The following KIAA0319 variants were observed in gnomAD, a reference collection of about 807,000 sequenced individuals.
The protein encoded by KIAA0319 is dyslexia-associated protein KIAA0319.
In KIAA0319, 83 loss-of-function variants were observed where a neutral mutation model predicts 108.4. That is an observed-to-expected ratio of 0.77 (90% CI 0.64 to 0.92). KIAA0319 has a LOEUF of 0.92. KIAA0319 is among the 40% of genes least tolerant of loss of function. The pLI is 0.00. For synonymous variants in KIAA0319, 484 were observed against 510.4 expected (o/e 0.95, Z 0.70); for missense variants, 1,195 against 1,322.4 (o/e 0.90, Z 1.49).
At chr6:24,579,990 G>C (rs1198648470) in intron 7 of KIAA0319, 40 bp from the exon 8 acceptor site, 1 of 1,407,812 alleles carries the variant, frequency 7.1e-7, no homozygotes, top group South Asian at 1.2e-5. Flanking sequence ...CCCATCTTGT[G>C]TAGGCATATG....
Position 24,564,255 on chromosome 6 carries a change from G to A in KIAA0319, c.2378C>T (p.Thr793Ile). ...EGVYTFHLRV[T>I]DSQGASDTDT... ...TGTGTCCGAGGCCCCCTGACTGTCG[G>A]TGACTCGCAAGTGGAAAGTGTACAC... is the stretch of plus-strand genomic sequence containing the variant. The change falls in exon 15 of 21, where the codon ACC becomes ATC. Residue 793 changes from threonine to isoleucine, a missense_variant. By Grantham distance (89) the Thr-to-Ile change is moderately conservative. Transcript: ENST00000378214. 6.2e-7 allele frequency: 1 copy of A among 1,614,124 alleles called. No homozygotes were observed. Among genetic ancestry groups the A allele is most frequent in the South Asian group, 1.1e-5 (1 of 91,070 alleles).
chr6:24,547,298 G>C lies in KIAA0319; in HGVS notation c.3086C>G (p.Ser1029Cys). ...CTGGTCACTGTCAAACTCAGACTCG[G>C]ATACCATCAGGCTGGAGTTGTGCTC... The part of the protein sequence containing the change: ...STEHNSSLMV[S>C]ESEFDSDQDT... The change falls in exon 21 of 21, where the codon TCC becomes TGC. Residue 1029 changes from serine (S) to cysteine (C), a missense_variant. Transcript: ENST00000378214. 6.2e-7 allele frequency: 1 copy of C among 1,614,164 alleles called. No individual in the cohort carries two copies. The highest frequency in any genetic ancestry group is 1.1e-5 in the South Asian group (1 of 91,084).
chr6:24,565,898 G>A (rs533006596), intron 14 of KIAA0319, among the ~76,000 whole-genome samples: 1 of 152,266 alleles, frequency 6.6e-6, no homozygotes, highest in Non-Finnish European at 1.5e-5. Context: ...ACAATATGAG[G>A]AACAGAAAAG....
At position 24,564,191 on chromosome 6, in the gene KIAA0319, C is replaced by G; in HGVS notation, c.2431+11G>C. 6.2e-7 allele frequency: 1 copy of G among 1,614,058 alleles called. No homozygotes were observed. The highest frequency in any genetic ancestry group is 8.5e-7 in the Non-Finnish European group (1 of 1,179,994). ...AGCCTGCATGGCCAGCTCCAGAGCCCAGGAACTCACCTGGCTGCACTTCCA... is the reference window on the plus strand; with the variant it reads ...AGCCTGCATGGCCAGCTCCAGAGCCGAGGAACTCACCTGGCTGCACTTCCA... On this transcript the variant is annotated intron_variant, in intron 15 of 20. Coordinates refer to ENST00000378214, the MANE Select transcript of KIAA0319 (RefSeq NM_014809.4).
At chr6:24,639,258 T>A (rs1375885821) in intron 1 of KIAA0319, among the ~76,000 whole-genome samples, 6 of 152,136 alleles carry the variant, frequency 3.9e-5, no homozygotes, top group Admixed American at 2.0e-4. Flanking sequence ...AAAGAGTAGA[T>A]CCTATAAGGA....
At chr6:24,590,079 T>C (rs539134948) in intron 3 of KIAA0319, among the ~76,000 whole-genome samples, 2 of 152,284 alleles carry the variant, frequency 1.3e-5, no homozygotes, top group African/African-American at 2.4e-5. Context: ...AGAAAAGCTA[T>C]AATTCAAATG....
chr6:24,599,134 C>CT lies in KIAA0319; in HGVS notation c.55+1914dup, dbSNP rs151195864. 0.024 allele frequency: 15,448 copies of CT among 642,062 alleles called. 302 individuals are homozygous for CT. Among genetic ancestry groups the CT allele is most frequent in the African/African-American group, 0.066 (3,674 of 55,886 alleles). The allele number at this position is 642,062 out of a possible 1,614,324, so 39.8% of individuals were successfully genotyped here. ...TCCCTGGACATGGACAGCATCATTG[C>CT]TGAGGTCAAGGCCCAGTACAAGGAG... is the stretch of plus-strand genomic sequence containing the variant. On this transcript the variant is annotated intron_variant, in intron 2 of 20. Coordinates refer to ENST00000378214, the MANE Select transcript of KIAA0319 (RefSeq NM_014809.4). This position sits in a 1 kb window ranked among gnomAD's most constrained non-coding sequence, Gnocchi z 4.1.
chr6:24,644,306 T>C (rs575328379), intron 1 of KIAA0319, among the ~76,000 whole-genome samples: 3 of 152,292 alleles, frequency 2.0e-5, no homozygotes, highest in East Asian at 3.9e-4. Flanking sequence ...TGAACTGTAA[T>C]AATTGGGTAA....
chr6:24,604,315 A>G (rs2127540393), intron 1 of KIAA0319, among the ~76,000 whole-genome samples: 1 of 152,288 alleles, frequency 6.6e-6, no homozygotes, highest in Non-Finnish European at 1.5e-5. Context: ...AAAGGGCAAG[A>G]GAAGAGCAAC....
intron 1 of KIAA0319, among the ~76,000 whole-genome samples, chr6:24,604,600 A>C (rs1582183190): frequency 6.6e-6 from 1 of 152,192 alleles, no homozygotes; most frequent in East Asian, 1.9e-4. Flanking sequence ...TACAACTTTC[A>C]CAACCATATT....
chr6:24,577,295 T>C (rs1263681867), intron 9 of KIAA0319, among the ~76,000 whole-genome samples: 1 of 152,200 alleles, frequency 6.6e-6, no homozygotes, highest in Admixed American at 6.5e-5. Context: ...AGACAGCAAA[T>C]CACTCCTGAA....
rs769656752 is a variant in KIAA0319 at position 24,572,568 on chromosome 6, CA to C, written c.1858+6del. On this transcript the variant is annotated splice_donor_region_variant and intron_variant, in intron 11 of 20. Coordinates refer to ENST00000378214, the MANE Select transcript of KIAA0319 (RefSeq NM_014809.4). Reference sequence around the variant, plus strand: ...TCTGAGGCCAAATCTCTTTCTCCTCCACCTACCAGGCTGGACAATCACAGTC... The same window carrying C: ...TCTGAGGCCAAATCTCTTTCTCCTCCCCTACCAGGCTGGACAATCACAGTC... The C allele has an allele frequency of 9.3e-6, 15 of 1,608,572 alleles. No individual in the cohort carries two copies. The highest frequency in any genetic ancestry group is 1.3e-5 in the African/African-American group (1 of 74,576).
At chr6:24,611,329 T>C (rs1772287297) in intron 1 of KIAA0319, among the ~76,000 whole-genome samples, 1 of 152,070 alleles carries the variant, frequency 6.6e-6, no homozygotes, top group African/African-American at 2.4e-5. Flanking sequence ...TGAAACCCTG[T>C]CTGTACTAAA....
At position 24,561,475 on chromosome 6, in the gene KIAA0319, G is replaced by A. The variant is rs1581930102; in HGVS notation, c.2591+1884C>T. Among the ~76,000 whole-genome samples the A allele has an allele frequency of 5.9e-5, 9 of 152,190 alleles. No individual in the cohort carries two copies. In the South Asian group the frequency reaches 1.9e-3, roughly 32 times the overall value. Reference sequence around the variant, plus strand: ...AGTTTTTGTAATTTATGTCTGTTTAGGAATTTGTCCACTTAATCTAGGTTA... The same window carrying A: ...AGTTTTTGTAATTTATGTCTGTTTAAGAATTTGTCCACTTAATCTAGGTTA... On this transcript the variant is annotated intron_variant, in intron 16 of 20. Transcript: ENST00000378214.
At position 24,613,181 on chromosome 6, in the gene KIAA0319, G is replaced by A. The variant is rs139459700; in HGVS notation, c.-105-11973C>T. 3.3e-5 allele frequency among the ~76,000 whole-genome samples: 5 copies of A among 151,986 alleles called. No individual in the cohort carries two copies. In the East Asian group the frequency reaches 7.7e-4, roughly 23 times the overall value. ...GGTCGCTGAGAGCTTACATCTACTC[G>A]GCATTAAGAGCTTCGAGTGAGTAAC... On this transcript the variant is annotated intron_variant, in intron 1 of 20. Transcript: ENST00000378214.
chr6:24,567,104 TG>T (rs1764003003), intron 13 of KIAA0319, among the ~76,000 whole-genome samples: 2 of 152,194 alleles, frequency 1.3e-5, no homozygotes, highest in Admixed American at 1.3e-4. Flanking sequence ...CAATATACTT[TG>T]GGTCATTTTG....
intron 15 of KIAA0319, 124 bp from the exon 16 acceptor site, chr6:24,563,642 A>G: frequency 1.2e-6 from 1 of 836,778 alleles, no homozygotes; most frequent in East Asian, 2.8e-5. Context: ...GAGTTGTAGC[A>G]CTCAGGTAAA....
chr6:24,608,757 C>T (rs556541392), intron 1 of KIAA0319, among the ~76,000 whole-genome samples: 10 of 151,496 alleles, frequency 6.6e-5, no homozygotes, highest in African/African-American at 2.2e-4. Context: ...GGTGAAACCC[C>T]GTCTCTACTA....
chr6:24,545,440 A>G lies in KIAA0319; in HGVS notation c.*1725T>C, dbSNP rs1021501794. 8 of 152,138 alleles carry G rather than the reference A, an allele frequency of 5.3e-5. No homozygotes were observed. Among genetic ancestry groups the G allele is most frequent in the East Asian group, 1.9e-4 (1 of 5,200 alleles). The allele number at this position is 152,138 out of a possible 1,614,324, so 9.4% of individuals were successfully genotyped here. ...CTTTACATTTGGGCTGCTGTCCCCT[A>G]TGCCAGAAATTCACATTTGCATGCA... On this transcript the variant is annotated 3_prime_UTR_variant, in exon 21 of 21. Transcript: ENST00000378214.
Sources: allele counts gnomAD v4.1 joint callset (sites outside exome capture counted in the v4.1 genomes callset), GRCh38; gene constraint gnomAD v4.1.1; non-coding constraint Gnocchi (gnomAD v3.1); transcripts MANE v1.5; gene names NCBI Gene and HGNC (gene_info 2026-07-23, HGNC 2026-07-21).